Variants in SNTB2 observed in about 807,000 individuals in gnomAD.
The protein encoded by SNTB2 is syntrophin beta 2.
In SNTB2, 34 loss-of-function variants were observed where a neutral mutation model predicts 46.2. The observed-to-expected ratio is 0.74, with a 90% CI of 0.56 to 0.98. The LOEUF (loss-of-function observed/expected upper bound fraction) is 0.98, where lower values mean the gene tolerates loss of function less well. SNTB2 is among the 50% of genes least tolerant of loss of function. The pLI is 0.00. For missense variants in SNTB2, 603 were observed against 731.4 expected, an observed-to-expected ratio of 0.82 and a Z score of 2.02; for synonymous variants, 290 against 312.6, an observed-to-expected ratio of 0.93 and a Z score of 0.76.
intron 1 of SNTB2, among the ~76,000 whole-genome samples, chr16:69,190,792 C>T (rs951078334): frequency 5.9e-5 from 9 of 152,126 alleles, no homozygotes; most frequent in Non-Finnish European, 1.2e-4. Flanking sequence ...GGTTTGTAAC[C>T]CCTAGGCAAG....
chr16:69,283,321 C>CA (rs1372799436), intron 4 of SNTB2, among the ~76,000 whole-genome samples: 2 of 152,166 alleles, frequency 1.3e-5, no homozygotes, highest in Non-Finnish European at 2.9e-5. Context: ...CATTTGCAAA[C>CA]AAAGACAGTT....
At chr16:69,260,010 C>T in intron 2 of SNTB2, 40 bp from the exon 3 acceptor site, 1 of 1,529,138 alleles carries the variant, frequency 6.5e-7, no homozygotes, top group Non-Finnish European at 9.1e-7. Context: ...TTGGTGACTT[C>T]TGTCCTAGCT....
rs576452791 is a variant in SNTB2, at chr16:69,228,038, T to C, written c.581-17564T>C. ...ATGCCCAGCTTTTCTGGAGATATCT[T>C]AATTACCACGTCTAGATATTCTTTA... On this transcript the variant is annotated intron_variant, in intron 1 of 6. Transcript: ENST00000336278. Among the ~76,000 whole-genome samples the C allele has an allele frequency of 1.4e-4, 22 of 152,010 alleles. No homozygotes were observed. The East Asian group carries it at 4.3e-3, about 29-fold the overall frequency.
At position 69,292,404 on chromosome 16, in the gene SNTB2, ATATTATATATATATT is replaced by A. The variant is rs1965176898; in HGVS notation, c.1346-7185_1346-7171del. Among the ~76,000 whole-genome samples the A allele has an allele frequency of 1.9e-4, 4 of 21,248 alleles. No individual in the cohort carries two copies. In the African/African-American group the frequency reaches 2.2e-3, roughly 12 times the overall value. The allele number at this position is 21,248 out of a possible 152,430, so 13.9% of individuals were successfully genotyped here. A position where few individuals can be genotyped will look rare whatever the true frequency, so the allele number is the denominator to read the frequency against. On this transcript the variant is annotated intron_variant, in intron 5 of 6. Coordinates refer to ENST00000336278, the MANE Select transcript of SNTB2 (RefSeq NM_006750.4). The stretch of plus-strand genomic sequence containing the variant: ...TTATATATATATTATATATATATAT[ATATTATATATATATT>A]ATATATATATATATATTATATATAT...
At chr16:69,235,510 G>C (rs1051670337) in intron 1 of SNTB2, among the ~76,000 whole-genome samples, 1 of 152,080 alleles carries the variant, frequency 6.6e-6, no homozygotes, top group Non-Finnish European at 1.5e-5. Flanking sequence ...GAAAGGTGGA[G>C]TTTTTTAGAG....
intron 4 of SNTB2, among the ~76,000 whole-genome samples, chr16:69,272,162 C>G (rs1964943643): frequency 6.6e-6 from 1 of 152,106 alleles, no homozygotes; most frequent in South Asian, 2.1e-4. Flanking sequence ...TCAAATGTCA[C>G]CATCAAGAAA....
Position 69,301,115 on chromosome 16 carries a change from C to G in SNTB2, c.*191C>G, listed in dbSNP as rs1321394170. On this transcript the variant is annotated 3_prime_UTR_variant, in exon 7 of 7. Transcript: ENST00000336278. ...TCACAGTCTACCTTGGCCAGATATT[C>G]TAGCACTCTAAAAGGCTCCAAAATG... The G allele has an allele frequency of 9.6e-6, 5 of 519,974 alleles. No homozygotes were observed. Among genetic ancestry groups the G allele is most frequent in the East Asian group, 5.8e-5 (2 of 34,214 alleles). 32.2% of individuals were successfully genotyped at this position (519,974 alleles called of 1,614,324 possible).
Position 69,301,049 on chromosome 16 carries a change from A to G in SNTB2, c.*125A>G, listed in dbSNP as rs765174808. 3.7e-4 allele frequency: 231 copies of G among 625,844 alleles called. 3 individuals carry two copies. The highest frequency in any genetic ancestry group is 4.9e-4 in the Non-Finnish European group (171 of 350,518). 38.8% of individuals were successfully genotyped at this position (625,844 alleles called of 1,614,324 possible). The stretch of plus-strand genomic sequence containing the variant: ...AGTGCCTTCCCAAGGACCTGCAAAT[A>G]ACTGCTGAACCATAACCGTGTTTAA... On this transcript the variant is annotated 3_prime_UTR_variant, in exon 7 of 7. Coordinates refer to ENST00000336278, the MANE Select transcript of SNTB2 (RefSeq NM_006750.4).
rs1964530894 is a variant in SNTB2, at chr16:69,233,820, A to C, written c.581-11782A>C. Among the ~76,000 whole-genome samples the C allele has an allele frequency of 2.6e-5, 4 of 151,734 alleles. No individual in the cohort carries two copies. The South Asian group carries it at 8.3e-4, about 32-fold the overall frequency. ...AGACCCCACTGTCTCTGCAAAAAAC[A>C]AAAAAAACTAGCCAGGTACAGTGGT... On this transcript the variant is annotated intron_variant, in intron 1 of 6. Transcript: ENST00000336278.
rs149019449 is a variant in SNTB2 at position 69,253,333 on chromosome 16, G to A, written c.795-6717G>A. ...TCACAATCCCTTTTCAAGAAAAATCGCAAAATTTTTCTTTTCATAAAAAAC... is the reference window on the plus strand; with the variant it reads ...TCACAATCCCTTTTCAAGAAAAATCACAAAATTTTTCTTTTCATAAAAAAC... On this transcript the variant is annotated intron_variant, in intron 2 of 6. Coordinates refer to ENST00000336278, the MANE Select transcript of SNTB2 (RefSeq NM_006750.4). Among the ~76,000 whole-genome samples the A allele has an allele frequency of 1.8e-4, 27 of 151,590 alleles. No homozygotes were observed. The East Asian group carries it at 3.7e-3, about 21-fold the overall frequency.
chr16:69,297,905 T>G (rs1015710224), intron 5 of SNTB2, among the ~76,000 whole-genome samples: 5 of 152,098 alleles, frequency 3.3e-5, no homozygotes, highest in African/African-American at 9.6e-5. Context: ...CAGAAGGAGA[T>G]TCCATCTCAA....
intron 4 of SNTB2, among the ~76,000 whole-genome samples, chr16:69,281,214 A>G (rs1965039624): frequency 6.6e-6 from 1 of 150,424 alleles, no homozygotes; most frequent in African/African-American, 2.4e-5. Flanking sequence ...AATCATCTAG[A>G]GTTTCTCCTA....
chr16:69,270,972 C>T (rs536987820), intron 4 of SNTB2, among the ~76,000 whole-genome samples: 6 of 152,170 alleles, frequency 3.9e-5, no homozygotes, highest in African/African-American at 9.6e-5. Context: ...TAAAGAAGAG[C>T]GCCATGGAAA....
chr16:69,226,902 T>C (rs987780609), intron 1 of SNTB2, among the ~76,000 whole-genome samples: 9 of 152,174 alleles, frequency 5.9e-5, no homozygotes, highest in African/African-American at 2.2e-4. Flanking sequence ...AGCTTATAAT[T>C]GTTTACTAAG....
intron 1 of SNTB2, among the ~76,000 whole-genome samples, chr16:69,204,402 A>G (rs185986147): frequency 6.4e-4 from 98 of 152,300 alleles, no homozygotes; most frequent in African/African-American, 2.2e-3. Context: ...CTTATTCCAT[A>G]TATGGAATAT....
intron 1 of SNTB2, among the ~76,000 whole-genome samples, chr16:69,245,221 C>T (rs1026564587): frequency 3.9e-5 from 6 of 152,066 alleles, no homozygotes; most frequent in African/African-American, 1.4e-4. Flanking sequence ...GTTTTTGAGG[C>T]AGAGTCTTGC....
chr16:69,232,215 T>C (rs954240709), intron 1 of SNTB2, among the ~76,000 whole-genome samples: 5 of 150,768 alleles, frequency 3.3e-5, no homozygotes, highest in African/African-American at 4.8e-5. Flanking sequence ...TTTCTTTTTT[T>C]TTTTTTTTGA....
chr16:69,288,773 GAT>G (rs1965131056), intron 5 of SNTB2, among the ~76,000 whole-genome samples: 1 of 152,134 alleles, frequency 6.6e-6, no homozygotes, highest in Admixed American at 6.5e-5. Context: ...CAATAACAAA[GAT>G]AGAGAATCAA....
rs150094786 is a variant in SNTB2, at chr16:69,243,786, C to T, written c.581-1816C>T. Among the ~76,000 whole-genome samples the T allele has an allele frequency of 3.2e-4, 49 of 152,216 alleles. No homozygotes were observed. In the East Asian group the frequency reaches 9.3e-3, roughly 29 times the overall value. ...TGATTTTTCTAGGGTAAAAAAATCTCCTTGGTGACCTGAGGCAGCTACCCA... is the reference window on the plus strand; with the variant it reads ...TGATTTTTCTAGGGTAAAAAAATCTTCTTGGTGACCTGAGGCAGCTACCCA... On this transcript the variant is annotated intron_variant, in intron 1 of 6. Coordinates refer to ENST00000336278, the MANE Select transcript of SNTB2 (RefSeq NM_006750.4).
Sources: allele counts gnomAD v4.1 joint callset (sites outside exome capture counted in the v4.1 genomes callset), GRCh38; gene constraint gnomAD v4.1.1; transcripts MANE v1.5; gene names NCBI Gene and HGNC (gene_info 2026-07-23, HGNC 2026-07-21).